Variants in RBFOX1 observed in about 807,000 individuals in gnomAD.
The protein encoded by RBFOX1 is RNA binding fox-1 homolog 1.
In RBFOX1, 8 loss-of-function variants were observed where a neutral mutation model predicts 57.7. The observed-to-expected ratio is 0.14, with a 90% CI of 0.08 to 0.25. The LOEUF is 0.25. Among genes scored for constraint, RBFOX1 ranks in the 10% least tolerant of loss-of-function variants. RBFOX1 has a pLI of 1.00. For synonymous variants in RBFOX1, 326 were observed against 222.4 expected, an observed-to-expected ratio of 1.47 and a Z score of -4.15; for missense variants, 611 against 548.5, an observed-to-expected ratio of 1.11 and a Z score of -1.14.
chr16:7,446,662 C>T (rs2098810105), intron 4 of RBFOX1, among the ~76,000 whole-genome samples: 1 of 152,090 alleles, frequency 6.6e-6, no homozygotes, highest in Non-Finnish European at 1.5e-5. Context: ...ACACCAGCAG[C>T]CTCAGTAACT....
intron 2 of RBFOX1, among the ~76,000 whole-genome samples, chr16:5,502,652 T>G (rs570051880): frequency 2.0e-4 from 30 of 152,290 alleles, no homozygotes; most frequent in African/African-American, 6.7e-4. Flanking sequence ...CTGCAGTGGT[T>G]AGGCTGGGAG....
At chr16:6,650,067 TC>T (rs2098570296) in intron 2 of RBFOX1, among the ~76,000 whole-genome samples, 1 of 152,158 alleles carries the variant, frequency 6.6e-6, no homozygotes, top group East Asian at 1.9e-4. Flanking sequence ...GGATTTCATT[TC>T]CTTTGAGTGA....
Position 6,541,707 on chromosome 16 carries a change from G to A in RBFOX1, c.-63-112896G>A, listed in dbSNP as rs548465592. 4.0e-4 allele frequency among the ~76,000 whole-genome samples: 61 copies of A among 152,318 alleles called. No homozygotes were observed. The South Asian group carries it at 0.011, about 27-fold the overall frequency. On this transcript the variant is annotated intron_variant, in intron 2 of 15. Transcript: ENST00000550418. ...TTCTGGGCAAATGCTGTAGGTCAGA[G>A]ATGATGGTAGCTGCTAAGATAGTAG...
At chr16:5,439,988 A>AC (rs1223626384) in intron 1 of RBFOX1, among the ~76,000 whole-genome samples, 4 of 152,212 alleles carry the variant, frequency 2.6e-5, no homozygotes, top group Non-Finnish European at 4.4e-5. Context: ...TGCCAGAGCT[A>AC]AAGATATTAG....
At chr16:7,076,370 C>A (rs1598816446) in intron 4 of RBFOX1, among the ~76,000 whole-genome samples, 1 of 151,868 alleles carries the variant, frequency 6.6e-6, no homozygotes, top group Non-Finnish European at 1.5e-5. Flanking sequence ...GAAATGAAAT[C>A]ATTTATTTTA....
intron 4 of RBFOX1, among the ~76,000 whole-genome samples, chr16:7,201,670 G>C (rs1442601816): frequency 1.3e-5 from 2 of 152,004 alleles, no homozygotes; most frequent in African/African-American, 4.8e-5. Flanking sequence ...CACCTTGTTG[G>C]CTAGGCTGGT....
At chr16:7,083,417 C>T (rs920949400) in intron 4 of RBFOX1, among the ~76,000 whole-genome samples, 4 of 148,658 alleles carry the variant, frequency 2.7e-5, no homozygotes, top group Non-Finnish European at 1.5e-5. Context: ...AAGAGCATAA[C>T]CAGGGGACTC....
intron 1 of RBFOX1, among the ~76,000 whole-genome samples, chr16:6,033,627 G>C (rs530602583): frequency 5.3e-4 from 80 of 152,150 alleles, no homozygotes; most frequent in Admixed American, 9.2e-4. Context: ...TATTTTTTCT[G>C]CTCCACCTTT....
intron 2 of RBFOX1, among the ~76,000 whole-genome samples, chr16:6,469,483 C>G (rs1276414736): frequency 6.6e-6 from 1 of 152,106 alleles, no homozygotes; most frequent in African/African-American, 2.4e-5. Flanking sequence ...TTTTAAGGGC[C>G]ACGTGCACTA....
chr16:6,159,320 G>A (rs552978108), intron 1 of RBFOX1, among the ~76,000 whole-genome samples: 154 of 152,160 alleles, frequency 1.0e-3, no homozygotes, highest in African/African-American at 3.5e-3. Flanking sequence ...CAGGTGATCT[G>A]CCCGCCTCGG....
At chr16:6,827,974 G>C (rs1477321297) in intron 3 of RBFOX1, among the ~76,000 whole-genome samples, 1 of 152,178 alleles carries the variant, frequency 6.6e-6, no homozygotes, top group Non-Finnish European at 1.5e-5. Context: ...CTCTGTAGGG[G>C]ACAAATCTTG....
chr16:7,269,680 C>A (rs1229566334), intron 4 of RBFOX1, among the ~76,000 whole-genome samples: 1 of 152,128 alleles, frequency 6.6e-6, no homozygotes, highest in African/African-American at 2.4e-5. Context: ...TTTTATCTTT[C>A]TCCCTTACTA....
chr16:7,368,226 C>T (rs780090372), intron 4 of RBFOX1, among the ~76,000 whole-genome samples: 1 of 149,492 alleles, frequency 6.7e-6, no homozygotes, highest in African/African-American at 2.5e-5. Flanking sequence ...AAGATCCTGC[C>T]ACTGCACTCC....
chr16:6,342,293 T>C (rs927522657), intron 2 of RBFOX1, among the ~76,000 whole-genome samples: 1 of 152,176 alleles, frequency 6.6e-6, no homozygotes, highest in African/African-American at 2.4e-5. Flanking sequence ...ACCACGAAGA[T>C]GGACATGTGG....
At chr16:6,977,196 A>G (rs921129708) in intron 3 of RBFOX1, among the ~76,000 whole-genome samples, 4 of 143,482 alleles carry the variant, frequency 2.8e-5, no homozygotes, top group East Asian at 2.1e-4. Context: ...TATCACATAT[A>G]TATGTTTTAT....
chr16:7,080,606 T>G (rs571032148), intron 4 of RBFOX1, among the ~76,000 whole-genome samples: 1 of 152,312 alleles, frequency 6.6e-6, no homozygotes, highest in East Asian at 1.9e-4. Flanking sequence ...TATCCTTTTT[T>G]CATGGTCCAT....
intron 4 of RBFOX1, among the ~76,000 whole-genome samples, chr16:5,959,885 T>C (rs1041562461): frequency 6.6e-6 from 1 of 152,174 alleles, no homozygotes; most frequent in Non-Finnish European, 1.5e-5. Flanking sequence ...CCCATCCAGC[T>C]ACCAACAAGT....
intron 4 of RBFOX1, among the ~76,000 whole-genome samples, chr16:7,349,903 T>C (rs2097095941): frequency 6.6e-6 from 1 of 152,120 alleles, no homozygotes; most frequent in African/African-American, 2.4e-5. Flanking sequence ...TCCCAACACT[T>C]TGGGAGGCCG....
chr16:7,174,291 A>T (rs1396171906), intron 4 of RBFOX1, among the ~76,000 whole-genome samples: 2 of 152,096 alleles, frequency 1.3e-5, no homozygotes, highest in Non-Finnish European at 2.9e-5. Flanking sequence ...GTATGGATGG[A>T]CCACATTTTG....
Sources: gnomAD v4.1 joint callset for allele counts (sites outside exome capture counted in the v4.1 genomes callset) on GRCh38, gnomAD v4.1.1 for gene constraint, MANE v1.5 for transcripts, NCBI Gene and HGNC (gene_info 2026-07-23, HGNC 2026-07-21) for gene names.